VPS45: variants seen among roughly 807,000 people sequenced by gnomAD.
VPS45 encodes vacuolar protein sorting-associated protein 45.
VPS45 carries 35 observed loss-of-function variants against 75.9 expected under a neutral mutation model. The ratio of observed to expected loss-of-function variants is 0.46; its 90% confidence interval spans 0.35 to 0.61. The LOEUF is 0.61. VPS45 is among the 20% of genes least tolerant of loss of function. The pLI is 0.00. For missense variants in VPS45, 559 were observed against 685.9 expected (o/e 0.81, Z 2.07); for synonymous variants, 220 against 238.2 (o/e 0.92, Z 0.70).
chr1:150,092,826 T>G (rs1347317493), intron 12 of VPS45, among the ~76,000 whole-genome samples: 1 of 149,032 alleles, frequency 6.7e-6, no homozygotes, highest in African/African-American at 2.5e-5. Context: ...AATTCTAATC[T>G]GCTAGCCTTT....
intron 14 of VPS45, among the ~76,000 whole-genome samples, chr1:150,133,515 C>G (rs1176646487): frequency 1.3e-5 from 2 of 152,174 alleles, no homozygotes; most frequent in Admixed American, 1.3e-4. Context: ...GATTGTGCCA[C>G]TGCACTCCAG....
Position 150,101,392 on chromosome 1 carries a change from A to G in VPS45, c.1493+7744A>G, listed in dbSNP as rs1374770165. Among the ~76,000 whole-genome samples the G allele has an allele frequency of 2.6e-5, 4 of 152,192 alleles. No individual in the cohort carries two copies. The East Asian group carries it at 7.7e-4, about 29-fold the overall frequency. On this transcript the variant is annotated intron_variant, in intron 13 of 14. Transcript: ENST00000644510. ...GATCATTAGAGAAATGCAAATCAAA[A>G]CTATGGTGAGATACCATCTCAACAC...
At chr1:150,134,975 G>A (rs11205333) in intron 14 of VPS45, among the ~76,000 whole-genome samples, 38,938 of 151,974 alleles carry the variant, frequency 0.26, 7,475 homozygotes, top group African/African-American at 0.54. Flanking sequence ...GAACTAAAAC[G>A]CAAACATAAA....
At position 150,089,478 on chromosome 1, in the gene VPS45, A is replaced by G. The variant is rs951940584; in HGVS notation, c.1105-2459A>G. Reference sequence around the variant, plus strand: ...CAGGTTCAAGCAATTCTCCTGCCTCAGCCTCTTGAGTAGCTGAGACTACAG... The same window carrying G: ...CAGGTTCAAGCAATTCTCCTGCCTCGGCCTCTTGAGTAGCTGAGACTACAG... On this transcript the variant is annotated intron_variant, in intron 10 of 14. Coordinates refer to ENST00000644510, the MANE Select transcript of VPS45 (RefSeq NM_007259.5). 7.9e-5 allele frequency among the ~76,000 whole-genome samples: 12 copies of G among 151,830 alleles called. 1 individual carries two copies. Among genetic ancestry groups the G allele is most frequent in the African/African-American group, 2.9e-4 (12 of 41,290 alleles).
rs146478861 is a variant in VPS45, at chr1:150,128,121, T to C, written c.1626-16588T>C. On this transcript the variant is annotated intron_variant, in intron 14 of 14. Coordinates refer to ENST00000644510, the MANE Select transcript of VPS45 (RefSeq NM_007259.5). ...TTCAAGACCAGCCTGGGCAACATGG[T>C]GAGACCCTGTCTCTACCAAAAATAC... 4.9e-3 allele frequency among the ~76,000 whole-genome samples: 749 copies of C among 152,068 alleles called. 5 individuals are homozygous for C. Among genetic ancestry groups the C allele is most frequent in the African/African-American group, 0.017 (710 of 41,458 alleles).
intron 1 of VPS45, chr1:150,068,323 G>A: frequency 2.8e-6 from 1 of 362,706 alleles, no homozygotes; most frequent in Non-Finnish European, 4.9e-6. Context: ...CAGATTATTT[G>A]TTGGCCACAG....
At chr1:150,076,850 T>C in intron 4 of VPS45, 66 bp from the exon 5 acceptor site, 4 of 1,577,712 alleles carry the variant, frequency 2.5e-6, no homozygotes, top group South Asian at 1.1e-5. Context: ...ATATCACTTA[T>C]GAAAATATTA....
rs587694506 is a variant in VPS45, at chr1:150,080,281, A to G, written c.688-1061A>G. ...TGCCTCAGCCTCCTGAGTAGCTTGG[A>G]TTACAGGCATGTGCCACCATGCTCG... On this transcript the variant is annotated intron_variant, in intron 7 of 14. Coordinates refer to ENST00000644510, the MANE Select transcript of VPS45 (RefSeq NM_007259.5). 4.6e-5 allele frequency among the ~76,000 whole-genome samples: 7 copies of G among 151,922 alleles called. No individual in the cohort carries two copies. The East Asian group carries it at 1.4e-3, about 29-fold the overall frequency.
chr1:150,081,821 C>A, intron 8 of VPS45, 63 bp from the exon 9 acceptor site: 1 of 1,053,364 alleles, frequency 9.5e-7, no homozygotes, highest in Non-Finnish European at 1.4e-6. Flanking sequence ...TTTTTCACTT[C>A]TTTCAAGTTG....
At chr1:150,131,161 T>C (rs1258468348) in intron 14 of VPS45, among the ~76,000 whole-genome samples, 1 of 152,182 alleles carries the variant, frequency 6.6e-6, no homozygotes, top group Non-Finnish European at 1.5e-5. Flanking sequence ...AGTGTGTTTA[T>C]ATCTTCACAT....
At chr1:150,124,215 C>A (rs1553810178) in intron 14 of VPS45, among the ~76,000 whole-genome samples, 1 of 152,132 alleles carries the variant, frequency 6.6e-6, no homozygotes, top group Non-Finnish European at 1.5e-5. Context: ...AATCCCAGCA[C>A]TTTGGGAGGC....
intron 14 of VPS45, among the ~76,000 whole-genome samples, chr1:150,122,792 A>G (rs1221275943): frequency 6.6e-6 from 1 of 151,900 alleles, no homozygotes; most frequent in Non-Finnish European, 1.5e-5. Flanking sequence ...TGAGGTCAGG[A>G]GTTTGAGACC....
intron 14 of VPS45, among the ~76,000 whole-genome samples, chr1:150,120,012 GC>G (rs1271682165): frequency 1.3e-5 from 2 of 152,230 alleles, no homozygotes; most frequent in African/African-American, 4.8e-5. Context: ...GGAGGCTGAG[GC>G]AGGAGAATCG....
At position 150,099,832 on chromosome 1, in the gene VPS45, C is replaced by CAAAA. The variant is rs1241681093; in HGVS notation, c.1493+6200_1493+6203dup. On this transcript the variant is annotated intron_variant, in intron 13 of 14. Coordinates refer to ENST00000644510, the MANE Select transcript of VPS45 (RefSeq NM_007259.5). ...TGGGGGACAGAGCGAGACTCCGTCTCAAAAAAAAAAAAAAAAAAAGAGCCA... is the reference window on the plus strand; with the variant it reads ...TGGGGGACAGAGCGAGACTCCGTCTCAAAAAAAAAAAAAAAAAAAAAAAGAGCCA... 1.8e-3 allele frequency among the ~76,000 whole-genome samples: 197 copies of CAAAA among 108,476 alleles called. 1 individual carries two copies. Among genetic ancestry groups the CAAAA allele is most frequent in the African/African-American group, 6.9e-3 (187 of 27,258 alleles). The allele number at this position is 108,476 out of a possible 152,430, so 71.2% of individuals were successfully genotyped here.
chr1:150,082,062 C>A lies in VPS45; in HGVS notation c.936+65C>A. The A allele has an allele frequency of 6.0e-6, 6 of 999,182 alleles. No homozygotes were observed. The South Asian group carries it at 7.7e-5, about 13-fold the overall frequency. The allele number at this position is 999,182 out of a possible 1,614,324, so 61.9% of individuals were successfully genotyped here. A position where few individuals can be genotyped will look rare whatever the true frequency, so the allele number is the denominator to read the frequency against. ...TTTGGTACTATTCATGTAAGCAACA[C>A]TTTTGGAATCTTCTGGGTCTAATTT... is the stretch of plus-strand genomic sequence containing the variant. On this transcript the variant is annotated intron_variant, in intron 9 of 14. Coordinates refer to ENST00000644510, the MANE Select transcript of VPS45 (RefSeq NM_007259.5).
chr1:150,143,901 AG>A (rs1411115550), intron 14 of VPS45, among the ~76,000 whole-genome samples: 4 of 152,194 alleles, frequency 2.6e-5, no homozygotes, highest in African/African-American at 2.4e-5. Flanking sequence ...TGAGGATAAT[AG>A]TAGCATCTGT....
intron 13 of VPS45, among the ~76,000 whole-genome samples, chr1:150,107,847 G>A (rs1657415307): frequency 6.6e-6 from 1 of 152,218 alleles, no homozygotes; most frequent in Admixed American, 6.5e-5. Context: ...GTTGCAGTGA[G>A]CTGACATTGC....
intron 14 of VPS45, among the ~76,000 whole-genome samples, chr1:150,130,475 AACC>A (rs1303850711): frequency 6.6e-6 from 1 of 152,158 alleles, no homozygotes; most frequent in Non-Finnish European, 1.5e-5. Context: ...TATAGGCATA[AACC>A]ACCACACCAG....
chr1:150,136,792 G>A (rs947133942), intron 14 of VPS45, among the ~76,000 whole-genome samples: 4 of 145,190 alleles, frequency 2.8e-5, no homozygotes, highest in Non-Finnish European at 6.1e-5. Context: ...AAAAAAAAAG[G>A]TGTACCACAT....
Sources: allele counts gnomAD v4.1 joint callset (sites outside exome capture counted in the v4.1 genomes callset), GRCh38; gene constraint gnomAD v4.1.1; transcripts MANE v1.5; gene names NCBI Gene and HGNC (gene_info 2026-07-23, HGNC 2026-07-21).